Variants in TMC2 observed in about 807,000 individuals in gnomAD.
The protein encoded by TMC2 is transmembrane channel-like protein 2.
TMC2 carries 102 observed loss-of-function variants against 105.9 expected under a neutral mutation model. The observed-to-expected ratio is 0.96, with a 90% CI of 0.82 to 1.14. The LOEUF is 1.14. Ranked by LOEUF, TMC2 falls within the 50% of genes most tolerant of loss-of-function variation. The pLI, the probability that TMC2 is intolerant of heterozygous loss-of-function variation, is 0.00. For missense variants in TMC2, 1,093 were observed against 1,134.3 expected (o/e 0.96, Z 0.52); for synonymous variants, 402 against 422.8 (o/e 0.95, Z 0.60).
rs556771312 is a variant in TMC2 at position 2,536,586 on chromosome 20, G to A, written c.-36G>A. Reference sequence around the variant, plus strand: ...AGGCGTGCATACAGGAGCACGCTGCGTGAGCCTGTGCAGGACCCCAGCAGT... The same window carrying A: ...AGGCGTGCATACAGGAGCACGCTGCATGAGCCTGTGCAGGACCCCAGCAGT... On this transcript the variant is annotated 5_prime_UTR_variant, in exon 1 of 20. In the 5' UTR this introduces an upstream ATG that the reference lacks. Transcript: ENST00000358864. The A allele has an allele frequency of 7.9e-5, 123 of 1,559,450 alleles. 1 individual carries two copies. In the South Asian group the frequency reaches 1.1e-3, roughly 14 times the overall value.
intron 4 of TMC2, among the ~76,000 whole-genome samples, chr20:2,564,665 C>G (rs1171382738): frequency 2.0e-5 from 3 of 152,206 alleles, no homozygotes; most frequent in Non-Finnish European, 4.4e-5. Flanking sequence ...GGGACCGTGA[C>G]AATCCCTGAG....
intron 16 of TMC2, 180 bp downstream of exon 16, chr20:2,617,491 GT>G (rs1284971932): frequency 5.0e-6 from 4 of 800,340 alleles, no homozygotes; most frequent in East Asian, 2.7e-5. Flanking sequence ...AGGTCGTTCT[GT>G]GTCTGCGCTG....
intron 11 of TMC2, among the ~76,000 whole-genome samples, chr20:2,609,388 G>A (rs777749308): frequency 1.3e-5 from 2 of 152,138 alleles, no homozygotes; most frequent in Non-Finnish European, 2.9e-5. Flanking sequence ...AAGGAAAAAC[G>A]TCCCTTCCAC....
At chr20:2,578,367 T>G (rs1406073716) in intron 5 of TMC2, among the ~76,000 whole-genome samples, 1 of 152,198 alleles carries the variant, frequency 6.6e-6, no homozygotes, top group Non-Finnish European at 1.5e-5. Flanking sequence ...GGATCTGCTC[T>G]CTACTACCTC....
intron 14 of TMC2, among the ~76,000 whole-genome samples, chr20:2,615,848 C>T (rs13040012): frequency 0.09 from 13,638 of 152,218 alleles, 801 homozygotes; most frequent in East Asian, 0.29. Flanking sequence ...CCCAAGAACA[C>T]GCTGTCAGCC....
chr20:2,627,033 A>G (rs1448932039), intron 17 of TMC2, among the ~76,000 whole-genome samples: 1 of 152,134 alleles, frequency 6.6e-6, no homozygotes, highest in African/African-American at 2.4e-5. Flanking sequence ...ATCATTGCTA[A>G]CAGGCCTCAG....
chr20:2,622,474 C>T (rs1352093472), intron 16 of TMC2, among the ~76,000 whole-genome samples: 1 of 152,104 alleles, frequency 6.6e-6, no homozygotes, highest in Non-Finnish European at 1.5e-5. Context: ...TCAAGACCAG[C>T]CTGGCCAACA....
intron 7 of TMC2, among the ~76,000 whole-genome samples, chr20:2,591,927 G>A (rs977694931): frequency 2.0e-5 from 3 of 152,174 alleles, no homozygotes; most frequent in African/African-American, 7.2e-5. Context: ...GCCAAGGTGG[G>A]TGGATCACCT....
In TMC2 at chr20:2,558,183, A is replaced by C; in HGVS notation, c.83-273A>C. The C allele has an allele frequency of 5.1e-6, 3 of 586,124 alleles. No individual in the cohort carries two copies. Among genetic ancestry groups the C allele is most frequent in the Non-Finnish European group, 5.5e-6 (2 of 362,894 alleles). 36.3% of individuals were successfully genotyped at this position (586,124 alleles called of 1,614,324 possible). A position where few individuals can be genotyped will look rare whatever the true frequency, so the allele number is the denominator to read the frequency against. ...CTGTGTGACTTTCCTTTCCTTGGGT[A>C]TAGGGCAGGACACCTGTCACAGGAG... On this transcript the variant is annotated intron_variant, in intron 2 of 19. Transcript: ENST00000358864. The surrounding 1 kb of genome is among the most constrained non-coding windows in gnomAD (Gnocchi z 4.6).
At chr20:2,542,072 A>AT (rs2085893696) in intron 2 of TMC2, among the ~76,000 whole-genome samples, 1 of 152,154 alleles carries the variant, frequency 6.6e-6, no homozygotes, top group Non-Finnish European at 1.5e-5. Context: ...GGAGAGGAGA[A>AT]TTTTTTTCCT....
chr20:2,616,048 G>A lies in TMC2; in HGVS notation c.1873-89G>A. On this transcript the variant is annotated intron_variant, in intron 14 of 19. Transcript: ENST00000358864. This position sits in a 1 kb window ranked among gnomAD's most constrained non-coding sequence, Gnocchi z 4.8. ...TTTGGGATGGAATGGCCTTGGCTTG[G>A]CCAGTTGGTTGGTAGTAGGGTTTGG... is the stretch of plus-strand genomic sequence containing the variant. The A allele has an allele frequency of 9.7e-7, 1 of 1,031,810 alleles. No homozygotes were observed. Among genetic ancestry groups the A allele is most frequent in the South Asian group, 1.3e-5 (1 of 74,108 alleles). The allele number at this position is 1,031,810 out of a possible 1,614,324, so 63.9% of individuals were successfully genotyped here. A position where few individuals can be genotyped will look rare whatever the true frequency, so the allele number is the denominator to read the frequency against.
intron 19 of TMC2, among the ~76,000 whole-genome samples, chr20:2,639,189 C>T (rs1445583544): frequency 6.6e-6 from 1 of 152,212 alleles, no homozygotes; most frequent in East Asian, 1.9e-4. Flanking sequence ...GCCACCGCGT[C>T]CGGCCTAGAA....
At chr20:2,584,211 G>A (rs938029570) in intron 7 of TMC2, among the ~76,000 whole-genome samples, 18 of 152,102 alleles carry the variant, frequency 1.2e-4, no homozygotes, top group African/African-American at 2.2e-4. Context: ...TTGGGAGGCC[G>A]AGGCGGGCGG....
At chr20:2,564,956 TAGA>T (rs1273714840) in intron 4 of TMC2, among the ~76,000 whole-genome samples, 1 of 152,200 alleles carries the variant, frequency 6.6e-6, no homozygotes, top group Non-Finnish European at 1.5e-5. Context: ...TGCCTCTGCC[TAGA>T]AGATCTGTGC....
chr20:2,567,488 A>G (rs2086072490), intron 4 of TMC2, among the ~76,000 whole-genome samples: 1 of 152,240 alleles, frequency 6.6e-6, no homozygotes, highest in Non-Finnish European at 1.5e-5. Flanking sequence ...AAATGACAAA[A>G]GATGATCAAC....
intron 16 of TMC2, among the ~76,000 whole-genome samples, chr20:2,622,747 A>G (rs1043482115): frequency 2.0e-5 from 3 of 152,138 alleles, no homozygotes; most frequent in Admixed American, 2.0e-4. Context: ...GAATTTGTCC[A>G]TGAGCCATTG....
At chr20:2,611,704 T>C (rs2086439493) in intron 12 of TMC2, among the ~76,000 whole-genome samples, 1 of 152,180 alleles carries the variant, frequency 6.6e-6, no homozygotes, top group Non-Finnish European at 1.5e-5. Flanking sequence ...CCTCCATCTC[T>C]CTTGGTCACT....
In TMC2 at chr20:2,558,406, T is replaced by C. The variant is rs2085997943; in HGVS notation, c.83-50T>C. 6.5e-7 allele frequency: 1 copy of C among 1,546,384 alleles called. No homozygotes were observed. Among genetic ancestry groups the C allele is most frequent in the Admixed American group, 2.0e-5 (1 of 50,636 alleles). On this transcript the variant is annotated intron_variant, in intron 2 of 19. Transcript: ENST00000358864. This position sits in a 1 kb window ranked among gnomAD's most constrained non-coding sequence, Gnocchi z 4.6. ...TTTCTCACGGCCGGGGACATTTTCC[T>C]GGGCCTGAGGCCGTTGGAACCAGAA...
At chr20:2,561,618 C>G (rs977984306) in intron 3 of TMC2, among the ~76,000 whole-genome samples, 1 of 152,192 alleles carries the variant, frequency 6.6e-6, no homozygotes, top group South Asian at 2.1e-4. Context: ...TTGGGGAACA[C>G]TGAGCTGGCA....
Sources: gnomAD v4.1 joint callset for allele counts (sites outside exome capture counted in the v4.1 genomes callset) on GRCh38, gnomAD v4.1.1 for gene constraint, Gnocchi (gnomAD v3.1) non-coding constraint, MANE v1.5 for transcripts, NCBI Gene and HGNC (gene_info 2026-07-23, HGNC 2026-07-21) for gene names.